CAMTA1: variants seen among roughly 807,000 people sequenced by gnomAD.
CAMTA1 encodes calmodulin-binding transcription activator 1.
A neutral mutation model predicts 170.9 loss-of-function variants in CAMTA1; 27 were observed. That is an observed-to-expected ratio of 0.16 (90% CI 0.12 to 0.22). The LOEUF (loss-of-function observed/expected upper bound fraction) is 0.22, where lower values mean the gene tolerates loss of function less well. Among genes scored for constraint, CAMTA1 ranks in the 10% least tolerant of loss-of-function variants. The pLI, the probability that CAMTA1 is intolerant of heterozygous loss-of-function variation, is 1.00. For synonymous variants in CAMTA1, 833 were observed against 891.5 expected (o/e 0.93, Z 1.17); for missense variants, 1,619 against 2,217.2 (o/e 0.73, Z 5.42).
At chr1:7,608,935 C>A (rs1490724479) in intron 6 of CAMTA1, among the ~76,000 whole-genome samples, 1 of 152,084 alleles carries the variant, frequency 6.6e-6, no homozygotes, top group African/African-American at 2.4e-5. Flanking sequence ...CCCTACCTGG[C>A]CTTTTCTAGA....
chr1:7,222,036 G>A (rs1408900639), intron 4 of CAMTA1, among the ~76,000 whole-genome samples: 1 of 152,136 alleles, frequency 6.6e-6, no homozygotes, highest in Non-Finnish European at 1.5e-5. Flanking sequence ...CCAAACAGGG[G>A]CGACAGGACT....
At chr1:7,433,702 A>G (rs774346999) in intron 5 of CAMTA1, among the ~76,000 whole-genome samples, 1 of 152,220 alleles carries the variant, frequency 6.6e-6, no homozygotes, top group Non-Finnish European at 1.5e-5. Flanking sequence ...TGACAGAATT[A>G]TAGAAATAGA....
intron 3 of CAMTA1, among the ~76,000 whole-genome samples, chr1:6,926,910 T>C (rs1683397509): frequency 6.7e-6 from 1 of 148,634 alleles, no homozygotes. Flanking sequence ...CTTTAAAATT[T>C]TGTAGAGATG....
intron 6 of CAMTA1, among the ~76,000 whole-genome samples, chr1:7,492,172 AG>A (rs2093712851): frequency 6.6e-6 from 1 of 152,184 alleles, no homozygotes; most frequent in Admixed American, 6.5e-5. Flanking sequence ...CCTCCTTGGT[AG>A]AGCGTCTTTC....
At chr1:7,436,345 A>T (rs1041834291) in intron 5 of CAMTA1, among the ~76,000 whole-genome samples, 10 of 152,124 alleles carry the variant, frequency 6.6e-5, no homozygotes. Flanking sequence ...TTGTTCAGGG[A>T]GGGGGCCTGG....
At chr1:6,811,098 T>C (rs1263450996) in intron 1 of CAMTA1, among the ~76,000 whole-genome samples, 2 of 152,238 alleles carry the variant, frequency 1.3e-5, no homozygotes, top group African/African-American at 4.8e-5. Flanking sequence ...ATGAACATTC[T>C]GTGTTACAGT....
At chr1:6,908,336 G>T (rs1183685722) in intron 3 of CAMTA1, among the ~76,000 whole-genome samples, 1 of 152,232 alleles carries the variant, frequency 6.6e-6, no homozygotes, top group African/African-American at 2.4e-5. Flanking sequence ...CAGGGTTCTT[G>T]CCTTGTTTCT....
At chr1:7,543,800 T>A (rs2094647357) in intron 6 of CAMTA1, among the ~76,000 whole-genome samples, 1 of 151,934 alleles carries the variant, frequency 6.6e-6, no homozygotes, top group Admixed American at 6.6e-5. Flanking sequence ...AAGAGTGTGT[T>A]TATGTAAAAT....
intron 6 of CAMTA1, among the ~76,000 whole-genome samples, chr1:7,510,673 G>A (rs1338660029): frequency 2.7e-5 from 4 of 146,338 alleles, no homozygotes; most frequent in African/African-American, 9.8e-5. Context: ...GCGAGAATGT[G>A]TGGTTTATAC....
At chr1:7,025,325 G>A (rs1187354992) in intron 3 of CAMTA1, among the ~76,000 whole-genome samples, 1 of 152,244 alleles carries the variant, frequency 6.6e-6, no homozygotes, top group Admixed American at 6.5e-5. Context: ...CCCTGGCCAT[G>A]AAGTTGTACT....
intron 6 of CAMTA1, among the ~76,000 whole-genome samples, chr1:7,495,119 G>A (rs1453763231): frequency 6.6e-6 from 1 of 152,170 alleles, no homozygotes; most frequent in African/African-American, 2.4e-5. Flanking sequence ...TTGTTTGGTA[G>A]CTGCAGAGAA....
chr1:6,839,807 G>GA (rs897370832), intron 3 of CAMTA1, among the ~76,000 whole-genome samples: 2 of 151,690 alleles, frequency 1.3e-5, no homozygotes, highest in African/African-American at 2.4e-5. Flanking sequence ...GAGGAAATGT[G>GA]AAAAAAAAAG....
chr1:7,280,654 G>GT (rs1233205404), intron 5 of CAMTA1, among the ~76,000 whole-genome samples: 1 of 152,200 alleles, frequency 6.6e-6, no homozygotes, highest in Non-Finnish European at 1.5e-5. Context: ...CCTTCTTCCT[G>GT]TTTAATAAAT....
chr1:6,968,405 TCTC>T (rs1337356051), intron 3 of CAMTA1, among the ~76,000 whole-genome samples: 5 of 152,084 alleles, frequency 3.3e-5, no homozygotes, highest in Admixed American at 1.3e-4. Context: ...CCGCCAGAGT[TCTC>T]CTCCCCGCTC....
rs144902414 is a variant in CAMTA1, at chr1:7,534,182, A to C, written c.510+66281A>C. On this transcript the variant is annotated intron_variant, in intron 6 of 22. Coordinates refer to ENST00000303635, the MANE Select transcript of CAMTA1 (RefSeq NM_015215.4). This position sits in a 1 kb window ranked among gnomAD's most constrained non-coding sequence, Gnocchi z 5.6. ...AAGCCATACATCTTGGTGTGTGACA[A>C]ATCACTTTTTAATTGCCTGAAGGAA... Among the ~76,000 whole-genome samples, 2 of 152,174 alleles carry C rather than the reference A, an allele frequency of 1.3e-5. No individual in the cohort carries two copies. Among genetic ancestry groups the C allele is most frequent in the Admixed American group, 1.3e-4 (2 of 15,288 alleles).
At chr1:7,679,582 C>T (rs528919306) in intron 11 of CAMTA1, among the ~76,000 whole-genome samples, 9 of 151,736 alleles carry the variant, frequency 5.9e-5, no homozygotes, top group East Asian at 1.9e-4. Context: ...GCTGCCCCCC[C>T]CCCCAGAACT....
At chr1:7,647,458 A>G (rs2095816256) in intron 7 of CAMTA1, among the ~76,000 whole-genome samples, 1 of 152,122 alleles carries the variant, frequency 6.6e-6, no homozygotes, top group African/African-American at 2.4e-5. Flanking sequence ...TGGGAGCCCC[A>G]GGGAAGCCTG....
At chr1:7,094,904 G>T (rs1641887327) in intron 4 of CAMTA1, among the ~76,000 whole-genome samples, 1 of 152,118 alleles carries the variant, frequency 6.6e-6, no homozygotes, top group Non-Finnish European at 1.5e-5. Context: ...GGAACTTCAT[G>T]CTCCCCACCC....
At chr1:7,386,635 G>A (rs962366282) in intron 5 of CAMTA1, among the ~76,000 whole-genome samples, 1 of 152,186 alleles carries the variant, frequency 6.6e-6, no homozygotes, top group Non-Finnish European at 1.5e-5. Flanking sequence ...GGGCAGATGG[G>A]GTTGGAGGCC....
Sources: allele counts gnomAD v4.1 joint callset (sites outside exome capture counted in the v4.1 genomes callset), GRCh38; gene constraint gnomAD v4.1.1; non-coding constraint Gnocchi (gnomAD v3.1); transcripts MANE v1.5; gene names NCBI Gene and HGNC (gene_info 2026-07-23, HGNC 2026-07-21).